CEP152: variants seen among roughly 807,000 people sequenced by gnomAD.
CEP152 encodes the protein centrosomal protein 152, also known as centrosomal protein of 152 kDa.
In CEP152, 132 loss-of-function variants were observed where a neutral mutation model predicts 188.9. The observed-to-expected ratio is 0.70, with a 90% CI of 0.61 to 0.81. The LOEUF (loss-of-function observed/expected upper bound fraction) is 0.81, where lower values mean the gene tolerates loss of function less well. Among genes scored for constraint, CEP152 ranks in the 30% least tolerant of loss-of-function variants. CEP152 has a pLI of 0.00. For synonymous variants in CEP152, 649 were observed against 666.6 expected (o/e 0.97, Z 0.41); for missense variants, 1,914 against 1,969.8 (o/e 0.97, Z 0.54).
intron 12 of CEP152, among the ~76,000 whole-genome samples, chr15:48,772,998 T>G (rs1895665587): frequency 6.6e-6 from 1 of 152,192 alleles, no homozygotes; most frequent in South Asian, 2.1e-4. Flanking sequence ...CTGCATGCTG[T>G]ATATACATGC....
chr15:48,747,584 GT>G (rs1566979146), intron 22 of CEP152, among the ~76,000 whole-genome samples: 4 of 152,198 alleles, frequency 2.6e-5, no homozygotes, highest in African/African-American at 9.7e-5. Flanking sequence ...CATCTTCTGA[GT>G]TGAATCCTAA....
chr15:48,752,593 C>T, intron 20 of CEP152, 124 bp from the exon 21 acceptor site: 1 of 1,449,112 alleles, frequency 6.9e-7, no homozygotes, highest in South Asian at 1.4e-5. Flanking sequence ...CCTGAACTAT[C>T]TATCGCCAAT....
chr15:48,808,239 A>G (rs1237096864), intron 1 of CEP152, among the ~76,000 whole-genome samples: 3 of 151,840 alleles, frequency 2.0e-5, no homozygotes, highest in Non-Finnish European at 4.4e-5. Context: ...TAATATTCAG[A>G]ACAACAAAAG....
intron 2 of CEP152, 67 bp downstream of exon 2, chr15:48,805,496 T>G: frequency 6.5e-7 from 1 of 1,549,334 alleles, no homozygotes; most frequent in Admixed American, 1.9e-5. Context: ...ACAATTTTGA[T>G]CAAGAAATAA....
intron 21 of CEP152, 121 bp downstream of exon 21, chr15:48,752,228 A>C (rs1893923925): frequency 6.5e-7 from 1 of 1,542,034 alleles, no homozygotes; most frequent in Admixed American, 1.7e-5. Context: ...AAGAGGGGAC[A>C]TTAAGTCAGA....
At chr15:48,775,300 G>A (rs956748264) in intron 12 of CEP152, among the ~76,000 whole-genome samples, 3 of 151,608 alleles carry the variant, frequency 2.0e-5, no homozygotes, top group Admixed American at 6.6e-5. Context: ...TATTCAAGAA[G>A]CTCAGAGAAC....
At chr15:48,741,189 G>T in intron 26 of CEP152, 1 of 1,053,192 alleles carries the variant, frequency 9.5e-7, no homozygotes, top group Non-Finnish European at 1.1e-6. Context: ...GAGTACAGTG[G>T]CACAATCATA....
downstream of CEP152, among the ~76,000 whole-genome samples, chr15:48,733,509 T>C (rs1595574228): frequency 2.0e-5 from 3 of 152,076 alleles, no homozygotes; most frequent in East Asian, 5.8e-4. Flanking sequence ...TAAAGAAGAA[T>C]GCACAGTGCC....
intron 12 of CEP152, 52 bp from the exon 13 acceptor site, chr15:48,772,743 T>C (rs1319562205): frequency 5.3e-6 from 8 of 1,499,590 alleles, no homozygotes; most frequent in South Asian, 3.4e-5. Context: ...AAATCAGACA[T>C]GGTTATTCCC....
In CEP152 at chr15:48,739,217, G is replaced by A; in HGVS notation, c.4165C>T (p.Pro1389Ser). The A allele has an allele frequency of 6.2e-7, 1 of 1,612,898 alleles. No individual in the cohort carries two copies. The highest frequency in any genetic ancestry group is 8.5e-7 in the Non-Finnish European group (1 of 1,179,738). ...TTTGATTTGCTTTCAATACAACATG[G>A]TATTTTCTGATTCACATCATTTCTT... ...SKRNDVNQKIPCCIESKSNSV... is the reference protein window; with the variant it reads ...SKRNDVNQKISCCIESKSNSV... Residue 1389 changes from proline (P) to serine (S), a missense_variant, in exon 27 of 27, where the codon CCA becomes TCA. Physicochemically the swap from Pro to Ser is moderately conservative, Grantham distance 74 (BLOSUM62 -1). Coordinates refer to ENST00000380950, the MANE Select transcript of CEP152 (RefSeq NM_001194998.2).
At chr15:48,793,831 G>A (rs948705185) in intron 6 of CEP152, among the ~76,000 whole-genome samples, 3 of 152,084 alleles carry the variant, frequency 2.0e-5, no homozygotes, top group Admixed American at 6.6e-5. Context: ...TTAAAAATCA[G>A]TATATAACAA....
At chr15:48,782,004 G>C in intron 11 of CEP152, 135 bp downstream of exon 11, 1 of 756,706 alleles carries the variant, frequency 1.3e-6, no homozygotes, top group East Asian at 2.8e-5. Context: ...AGGAGATGGT[G>C]AACAACTCCC....
intron 23 of CEP152, among the ~76,000 whole-genome samples, chr15:48,744,546 A>G (rs1476210772): frequency 6.6e-6 from 1 of 152,250 alleles, no homozygotes; most frequent in African/African-American, 2.4e-5. Context: ...AATAAATAAC[A>G]GTAAATCCAC....
chr15:48,769,075 T>C lies in CEP152; in HGVS notation c.1789A>G (p.Thr597Ala). The C allele has an allele frequency of 1.2e-6, 2 of 1,604,362 alleles. No homozygotes were observed. The highest frequency in any genetic ancestry group is 1.7e-6 in the Non-Finnish European group (2 of 1,173,426). ...TTCTTTGGTTTTTCTGAGGTATCTG[T>C]TTTAGTCTGAATATTAAAAGGTCAA... ...DEKSIEVETK[T>A]DTSEKPKNQL... The change falls in exon 14 of 27, where the codon ACA becomes GCA. Residue 597 changes from threonine (T) to alanine (A), a missense_variant. Transcript: ENST00000380950.
intron 9 of CEP152, among the ~76,000 whole-genome samples, chr15:48,787,162 C>CTTTTTTTTTT (rs1567018509): frequency 2.2e-4 from 8 of 37,138 alleles, no homozygotes; most frequent in African/African-American, 2.1e-4. Flanking sequence ...GTATAGCCTT[C>CTTTTTTTTTT]GTTTTTTTTT....
intron 9 of CEP152, among the ~76,000 whole-genome samples, chr15:48,786,993 C>T (rs566449618): frequency 6.6e-6 from 1 of 152,198 alleles, no homozygotes; most frequent in African/African-American, 2.4e-5. Context: ...CCACTCTTCT[C>T]CAGTCATCCA....
chr15:48,742,894 G>A (rs778222498), intron 24 of CEP152, among the ~76,000 whole-genome samples: 4 of 151,746 alleles, frequency 2.6e-5, no homozygotes, highest in Non-Finnish European at 5.9e-5. Flanking sequence ...AATTCATACA[G>A]GAATCTTCCT....
At chr15:48,740,587 C>A (rs571002749) in intron 26 of CEP152, 1 of 129,760 alleles carries the variant, frequency 7.7e-6, no homozygotes, top group Non-Finnish European at 1.6e-5. Context: ...TAAAGTTATA[C>A]GTTCTATGTT....
At position 48,769,063 on chromosome 15, in the gene CEP152, C is replaced by G; in HGVS notation, c.1801G>C (p.Glu601Gln). Residue 601 changes from glutamate to glutamine, a missense_variant, in exon 14 of 27, where the codon GAA becomes CAA. Transcript: ENST00000380950. Reference sequence around the variant, plus strand: ...GGCCATAATTGATTCTTTGGTTTTTCTGAGGTATCTGTTTTAGTCTGAATA... The same window carrying G: ...GGCCATAATTGATTCTTTGGTTTTTGTGAGGTATCTGTTTTAGTCTGAATA... ...IEVETKTDTS[E>Q]KPKNQLWPES... The G allele has an allele frequency of 1.9e-6, 3 of 1,606,596 alleles. No individual in the cohort carries two copies. Among genetic ancestry groups the G allele is most frequent in the Non-Finnish European group, 2.6e-6 (3 of 1,174,008 alleles).
Sources: gnomAD v4.1 joint callset for allele counts (sites outside exome capture counted in the v4.1 genomes callset) on GRCh38, gnomAD v4.1.1 for gene constraint, MANE v1.5 for transcripts, NCBI Gene and HGNC (gene_info 2026-07-23, HGNC 2026-07-21) for gene names.